The following SHISA9 variants were observed in gnomAD, a reference collection of about 807,000 sequenced individuals.
SHISA9 encodes protein shisa-9.
A neutral mutation model predicts 38.0 loss-of-function variants in SHISA9; 13 were observed. That is an observed-to-expected ratio of 0.34 (90% CI 0.22 to 0.54). SHISA9 has a LOEUF of 0.54. Ranked by LOEUF, SHISA9 falls within the 20% of genes least tolerant of loss-of-function variation. The pLI is 0.91. For synonymous variants in SHISA9, 275 were observed against 242.0 expected, an observed-to-expected ratio of 1.14 and a Z score of -1.27; for missense variants, 538 against 575.8, an observed-to-expected ratio of 0.93 and a Z score of 0.67.
At chr16:13,366,997 A>G in the SHISA9 span, among the ~76,000 whole-genome samples, 10 of 151,736 alleles carry the variant, frequency 6.6e-5, no homozygotes, top group African/African-American at 2.2e-4. Context: ...AAAAAAAAAA[A>G]AAAAGAAGAA....
At chr16:12,943,998 G>T (rs1057225859) in intron 2 of SHISA9, among the ~76,000 whole-genome samples, 1 of 152,016 alleles carries the variant, frequency 6.6e-6, no homozygotes, top group Admixed American at 6.6e-5. Context: ...ATTCTTTGTT[G>T]TGGGGCTGCT....
intron 2 of SHISA9, among the ~76,000 whole-genome samples, chr16:13,012,505 G>A (rs1194483213): frequency 2.0e-5 from 3 of 152,086 alleles, no homozygotes; most frequent in Admixed American, 6.5e-5. Context: ...AGAGTGCGGG[G>A]GATGAGACCA....
chr16:13,505,323 G>A, the SHISA9 span, among the ~76,000 whole-genome samples: 1 of 152,172 alleles, frequency 6.6e-6, no homozygotes, highest in East Asian at 1.9e-4. Context: ...TCCTGGGAAT[G>A]GTGCCCTTCT....
At chr16:13,266,767 C>G in the SHISA9 span, among the ~76,000 whole-genome samples, 2 of 152,074 alleles carry the variant, frequency 1.3e-5, no homozygotes, top group African/African-American at 4.8e-5. Context: ...TGCAGAGGCC[C>G]TTGCACATCA....
At chr16:13,025,797 C>T (rs1348436851) in intron 2 of SHISA9, among the ~76,000 whole-genome samples, 1 of 151,972 alleles carries the variant, frequency 6.6e-6, no homozygotes, top group Non-Finnish European at 1.5e-5. Context: ...ATGAGATCAA[C>T]CCTCTTAACA....
At chr16:13,518,368 G>A in the SHISA9 span, among the ~76,000 whole-genome samples, 13 of 152,180 alleles carry the variant, frequency 8.5e-5, no homozygotes, top group African/African-American at 2.9e-4. Context: ...CCGACCTGAG[G>A]CAGTCACCCC....
chr16:13,493,225 G>GT, the SHISA9 span, among the ~76,000 whole-genome samples: 366 of 151,496 alleles, frequency 2.4e-3, no homozygotes, highest in Non-Finnish European at 3.1e-3. Context: ...CTCATCATCA[G>GT]TTGGAGGAGA....
chr16:13,034,787 C>G (rs1306514426), intron 2 of SHISA9, among the ~76,000 whole-genome samples: 1 of 152,194 alleles, frequency 6.6e-6, no homozygotes, highest in Non-Finnish European at 1.5e-5. Flanking sequence ...TTTTGTACCT[C>G]TGCCATTGCC....
At chr16:13,186,292 T>G (rs2050822152) in intron 2 of SHISA9, among the ~76,000 whole-genome samples, 1 of 95,306 alleles carries the variant, frequency 1.0e-5, no homozygotes, top group African/African-American at 4.9e-5. Flanking sequence ...CTTAACCTTT[T>G]TTTTTTTTTT....
At chr16:12,959,970 G>C (rs977763241) in intron 2 of SHISA9, among the ~76,000 whole-genome samples, 1 of 152,192 alleles carries the variant, frequency 6.6e-6, no homozygotes, top group Non-Finnish European at 1.5e-5. Context: ...AAAGTGCAAA[G>C]GTTTCCTTCA....
chr16:12,953,472 C>T (rs2071787381), intron 2 of SHISA9, among the ~76,000 whole-genome samples: 2 of 152,208 alleles, frequency 1.3e-5, no homozygotes, highest in African/African-American at 4.8e-5. Flanking sequence ...AGACACCTAA[C>T]ACCAAGCACT....
chr16:13,292,463 C>T, the SHISA9 span, among the ~76,000 whole-genome samples: 1 of 152,100 alleles, frequency 6.6e-6, no homozygotes, highest in Non-Finnish European at 1.5e-5. Flanking sequence ...TAGCTGTGTG[C>T]TCATTCCAAA....
chr16:13,529,479 G>A, the SHISA9 span, among the ~76,000 whole-genome samples: 2 of 152,170 alleles, frequency 1.3e-5, no homozygotes, highest in Admixed American at 1.3e-4. Flanking sequence ...ACCATTCTGG[G>A]GCCAATGCAT....
At chr16:13,014,404 G>T (rs1483652030) in intron 2 of SHISA9, among the ~76,000 whole-genome samples, 3 of 152,138 alleles carry the variant, frequency 2.0e-5, no homozygotes, top group African/African-American at 4.8e-5. Context: ...ACTTGTTAAC[G>T]TCCTCTGATG....
chr16:13,310,189 G>A, the SHISA9 span, among the ~76,000 whole-genome samples: 7 of 152,106 alleles, frequency 4.6e-5, no homozygotes, highest in African/African-American at 1.7e-4. Flanking sequence ...CTCCCGGCCT[G>A]TTCTGTATTT....
intron 2 of SHISA9, among the ~76,000 whole-genome samples, chr16:13,155,686 C>G (rs1371097662): frequency 6.6e-6 from 1 of 152,098 alleles, no homozygotes; most frequent in East Asian, 1.9e-4. Context: ...AGCCTTTGAA[C>G]TAATTAGCAA....
intron 2 of SHISA9, among the ~76,000 whole-genome samples, chr16:13,133,845 T>C (rs1439540346): frequency 6.6e-6 from 1 of 152,176 alleles, no homozygotes; most frequent in Non-Finnish European, 1.5e-5. Context: ...TCAAAGGGGG[T>C]GTGAAATGGA....
the SHISA9 span, among the ~76,000 whole-genome samples, chr16:13,544,816 G>C: frequency 1.3e-5 from 2 of 152,068 alleles, no homozygotes; most frequent in African/African-American, 4.8e-5. Flanking sequence ...GGTGGGGCGA[G>C]CCTGTAATCC....
intron 2 of SHISA9, among the ~76,000 whole-genome samples, chr16:13,076,421 A>G (rs1036201149): frequency 7.2e-5 from 11 of 152,168 alleles, no homozygotes; most frequent in Non-Finnish European, 1.3e-4. Flanking sequence ...GTATAAGGTT[A>G]TAGATGACAT....
Sources: allele counts gnomAD v4.1 joint callset (sites outside exome capture counted in the v4.1 genomes callset), GRCh38; gene constraint gnomAD v4.1.1; transcripts MANE v1.5; gene names NCBI Gene and HGNC (gene_info 2026-07-23, HGNC 2026-07-21).